The following JARID2 variants were observed in gnomAD, a reference collection of about 807,000 sequenced individuals.
JARID2 encodes the protein protein Jumonji.
A neutral mutation model predicts 125.6 loss-of-function variants in JARID2; 21 were observed. The ratio of observed to expected loss-of-function variants is 0.17; its 90% CI spans 0.12 to 0.24. The LOEUF (loss-of-function observed/expected upper bound fraction) is 0.24. Among genes scored for constraint, JARID2 ranks in the 10% least tolerant of loss-of-function variants. The pLI is 1.00. For synonymous variants in JARID2, 736 were observed against 661.6 expected, an observed-to-expected ratio of 1.11 and a Z score of -1.73; for missense variants, 1,303 against 1,639.6, an observed-to-expected ratio of 0.79 and a Z score of 3.55.
intron 1 of JARID2, among the ~76,000 whole-genome samples, chr6:15,334,183 T>A (rs1484864773): frequency 2.0e-5 from 3 of 152,200 alleles, no homozygotes; most frequent in African/African-American, 4.8e-5. Flanking sequence ...GACATTAAAC[T>A]GTGTTGCTTA....
chr6:15,398,785 G>A (rs921592327), intron 2 of JARID2, among the ~76,000 whole-genome samples: 1 of 152,196 alleles, frequency 6.6e-6, no homozygotes, highest in Admixed American at 6.5e-5. Context: ...TAGTGCTGAT[G>A]CCTGTGTGCA....
intron 2 of JARID2, among the ~76,000 whole-genome samples, chr6:15,409,824 T>G (rs1384240970): frequency 6.6e-6 from 1 of 152,186 alleles, no homozygotes; most frequent in Non-Finnish European, 1.5e-5. Context: ...TGCAGGCAAT[T>G]CCAGAAAGGA....
intron 1 of JARID2, 100 bp downstream of exon 1, chr6:15,246,684 C>G (rs12527989): frequency 0.13 from 134,163 of 1,039,748 alleles, 10,013 homozygotes; most frequent in Admixed American, 0.26. Flanking sequence ...GTTTTAAACA[C>G]AGCGTCCGAT....
intron 3 of JARID2, among the ~76,000 whole-genome samples, chr6:15,444,515 G>A (rs1214571224): frequency 6.6e-6 from 1 of 152,136 alleles, no homozygotes; most frequent in African/African-American, 2.4e-5. Context: ...ACACACACGG[G>A]CACACTCTTG....
intron 1 of JARID2, among the ~76,000 whole-genome samples, chr6:15,359,617 T>TGG (rs1400239549): frequency 6.6e-6 from 1 of 151,846 alleles, no homozygotes; most frequent in Non-Finnish European, 1.5e-5. Flanking sequence ...TGGGTAGCGG[T>TGG]GGGGGGTGTG....
At chr6:15,480,218 T>TG (rs1268235096) in intron 5 of JARID2, among the ~76,000 whole-genome samples, 2 of 152,208 alleles carry the variant, frequency 1.3e-5, no homozygotes, top group African/African-American at 4.8e-5. Flanking sequence ...TATTTTAATT[T>TG]GGGGGTTAGT....
At chr6:15,362,826 A>G (rs1054278033) in intron 1 of JARID2, among the ~76,000 whole-genome samples, 1 of 152,180 alleles carries the variant, frequency 6.6e-6, no homozygotes, top group African/African-American at 2.4e-5. Context: ...TTGGAAAGAG[A>G]TGAGATTTCT....
chr6:15,458,851 AG>A, intron 4 of JARID2, among the ~76,000 whole-genome samples: 1 of 152,300 alleles, frequency 6.6e-6, no homozygotes, highest in Non-Finnish European at 1.5e-5. Context: ...TTGATGTTGG[AG>A]GTCCTGGAGT....
chr6:15,496,734 G>A lies in JARID2; in HGVS notation c.1509G>A (p.Thr503=), dbSNP rs1166677555. Residue 503 remains threonine (T), a synonymous_variant, in exon 7 of 18, where the codon ACG becomes ACA. Coordinates refer to ENST00000341776, the MANE Select transcript of JARID2 (RefSeq NM_004973.4). ...AGAGGAATCGGCCGAAGCGGGCCACGGCCGGGAAGAGCACGCCAGGCAGAC... is the reference window on the plus strand; with the variant it reads ...AGAGGAATCGGCCGAAGCGGGCCACAGCCGGGAAGAGCACGCCAGGCAGAC... ...SLERNRPKRA[T]AGKSTPGRQA... 1.9e-6 allele frequency: 3 copies of A among 1,613,712 alleles called. No individual in the cohort carries two copies. The highest frequency in any genetic ancestry group is 1.3e-5 in the African/African-American group (1 of 75,078).
chr6:15,333,355 A>G (rs1762780889), intron 1 of JARID2, among the ~76,000 whole-genome samples: 1 of 152,194 alleles, frequency 6.6e-6, no homozygotes, highest in Non-Finnish European at 1.5e-5. Context: ...TGTACTGATC[A>G]GCAGTTATTA....
chr6:15,465,788 C>CTGTTTGTT (rs549791539), intron 4 of JARID2, among the ~76,000 whole-genome samples: 2 of 147,488 alleles, frequency 1.4e-5, no homozygotes, highest in African/African-American at 2.6e-5. Flanking sequence ...TTTTTTGTTG[C>CTGTTTGTT]TGTTTGTTTG....
intron 3 of JARID2, among the ~76,000 whole-genome samples, chr6:15,418,367 G>A (rs924233568): frequency 6.6e-6 from 1 of 151,940 alleles, no homozygotes; most frequent in Non-Finnish European, 1.5e-5. Flanking sequence ...ACAGGTGCAT[G>A]CCACCACACT....
chr6:15,479,218 T>C (rs1769496206), intron 5 of JARID2, among the ~76,000 whole-genome samples: 1 of 152,168 alleles, frequency 6.6e-6, no homozygotes, highest in Non-Finnish European at 1.5e-5. Context: ...GCGGGGCTAG[T>C]AATCATCAGG....
Position 15,299,159 on chromosome 6 carries a change from A to G in JARID2, c.45+52575A>G, listed in dbSNP as rs74349651. 6.6e-5 allele frequency among the ~76,000 whole-genome samples: 10 copies of G among 152,192 alleles called. No homozygotes were observed. In the East Asian group the frequency reaches 1.9e-3, roughly 29 times the overall value. On this transcript the variant is annotated intron_variant, in intron 1 of 17. Coordinates refer to ENST00000341776, the MANE Select transcript of JARID2 (RefSeq NM_004973.4). ...CAAACTTCACTGACCCGTGAGCCTTAATTTTGAATACAACCCCTTGGACAT... is the reference window on the plus strand; with the variant it reads ...CAAACTTCACTGACCCGTGAGCCTTGATTTTGAATACAACCCCTTGGACAT...
chr6:15,347,631 A>T (rs1050997946), intron 1 of JARID2, among the ~76,000 whole-genome samples: 1 of 152,210 alleles, frequency 6.6e-6, no homozygotes, highest in African/African-American at 2.4e-5. Context: ...ATGACTTTTT[A>T]AAAAGTAGAA....
intron 6 of JARID2, among the ~76,000 whole-genome samples, chr6:15,492,771 C>T (rs541602337): frequency 2.0e-5 from 3 of 152,274 alleles, no homozygotes; most frequent in African/African-American, 7.2e-5. Context: ...TGGCCAGTGA[C>T]ACTTGCCTTT....
chr6:15,354,323 G>T (rs891688015), intron 1 of JARID2, among the ~76,000 whole-genome samples: 1 of 152,200 alleles, frequency 6.6e-6, no homozygotes, highest in South Asian at 2.1e-4. Flanking sequence ...TTCTCTCAGA[G>T]CTTGCAGAAA....
intron 1 of JARID2, among the ~76,000 whole-genome samples, chr6:15,340,503 A>G (rs988191588): frequency 6.6e-6 from 1 of 152,194 alleles, no homozygotes; most frequent in Non-Finnish European, 1.5e-5. Context: ...AGATATGCCA[A>G]CCTTCAGGTT....
chr6:15,376,814 A>G (rs1042191840), intron 2 of JARID2, among the ~76,000 whole-genome samples: 16 of 152,192 alleles, frequency 1.1e-4, no homozygotes, highest in Non-Finnish European at 2.2e-4. Flanking sequence ...GGAAAACAGA[A>G]TTGGTATCAT....
Sources: gnomAD v4.1 joint callset for allele counts (sites outside exome capture counted in the v4.1 genomes callset) on GRCh38, gnomAD v4.1.1 for gene constraint, MANE v1.5 for transcripts, NCBI Gene and HGNC (gene_info 2026-07-23, HGNC 2026-07-21) for gene names.